TSNAXIP1: variants seen among roughly 807,000 people sequenced by gnomAD.
The protein encoded by TSNAXIP1 is translin-associated factor X-interacting protein 1.
TSNAXIP1 carries 89 observed loss-of-function variants against 84.8 expected under a neutral mutation model. The observed-to-expected ratio is 1.05, with a 90% CI of 0.88 to 1.25. TSNAXIP1 has a LOEUF of 1.25. Ranked by LOEUF, TSNAXIP1 falls within the 50% of genes most tolerant of loss-of-function variation. TSNAXIP1 has a pLI of 0.00. For synonymous variants in TSNAXIP1, 347 were observed against 335.2 expected, an observed-to-expected ratio of 1.04 and a Z score of -0.39; for missense variants, 874 against 887.6, an observed-to-expected ratio of 0.98 and a Z score of 0.20.
intron 2 of TSNAXIP1, among the ~76,000 whole-genome samples, chr16:67,820,438 G>C (rs2056949075): frequency 6.6e-6 from 1 of 151,988 alleles, no homozygotes; most frequent in South Asian, 2.1e-4. Flanking sequence ...ACCATGTTGA[G>C]AGATGTTTGT....
At chr16:67,807,360 T>G (rs1674535023) in intron 1 of TSNAXIP1, 164 bp downstream of exon 1, 5 of 1,533,124 alleles carry the variant, frequency 3.3e-6, no homozygotes, top group African/African-American at 1.4e-5. Flanking sequence ...TTTAGCCCAG[T>G]GAAGACGTTA....
chr16:67,825,521 T>C (rs1437677517), intron 7 of TSNAXIP1, 146 bp from the exon 8 acceptor site: 1 of 1,259,232 alleles, frequency 7.9e-7, no homozygotes, highest in Non-Finnish European at 1.1e-6. Flanking sequence ...CTCAGTTTCC[T>C]GGGCTTCTAG....
At position 67,826,534 on chromosome 16, in the gene TSNAXIP1, C is replaced by T. The variant is rs1234342323; in HGVS notation, c.1373C>T (p.Ala458Val). 1 of 1,614,138 alleles carries T rather than the reference C, an allele frequency of 6.2e-7. No homozygotes were observed. Among genetic ancestry groups the T allele is most frequent in the Non-Finnish European group, 8.5e-7 (1 of 1,180,016 alleles). ...KKDVVNLLKD[A>V]WKERLAEEQK... ...GACGTGGTCAACCTCCTCAAGGATG[C>T]CTGGAAGGAACGTCTTGCTGAGGAG... The change falls in exon 11 of 16, where the codon GCC becomes GTC. Residue 458 changes from alanine (A) to valine (V), a missense_variant. Ala to Val is a moderately conservative substitution (Grantham distance 64). Transcript: ENST00000561639.
intron 2 of TSNAXIP1, among the ~76,000 whole-genome samples, chr16:67,815,993 C>T (rs1340198825): frequency 8.4e-5 from 10 of 118,928 alleles, no homozygotes; most frequent in African/African-American, 4.0e-4. Context: ...TTTTTTGAGA[C>T]GGAATCTCGC....
chr16:67,815,410 G>A (rs111535725), intron 2 of TSNAXIP1, among the ~76,000 whole-genome samples: 41 of 139,942 alleles, frequency 2.9e-4, no homozygotes, highest in Non-Finnish European at 4.3e-4. Flanking sequence ...GTTATGGCTC[G>A]CTGCAGTCTC....
At position 67,826,216 on chromosome 16, in the gene TSNAXIP1, G is replaced by A. The variant is rs766567160; in HGVS notation, c.1209G>A (p.Leu403=). 4 of 1,606,420 alleles carry A rather than the reference G, an allele frequency of 2.5e-6. No homozygotes were observed. The highest frequency in any genetic ancestry group is 1.7e-5 in the Admixed American group (1 of 59,604). The change falls in exon 10 of 16, where the codon CTG becomes CTA. Residue 403 remains leucine (L), a synonymous_variant. Coordinates refer to ENST00000561639, the MANE Select transcript of TSNAXIP1 (RefSeq NM_001288990.3). ...CTGAGGGCAAGAACAGCGACCAGCT[G>A]GTGGACGTGCTCCTGGAAGAGATTG... ...MLAEGKNSDQ[L]VDVLLEEIGS... is the part of the protein sequence containing the mutation.
rs1380669069 is a variant in TSNAXIP1, at chr16:67,825,698, C to G, written c.846C>G (p.Thr282=). 1 of 1,613,946 alleles carries G rather than the reference C, an allele frequency of 6.2e-7. No individual in the cohort carries two copies. The highest frequency in any genetic ancestry group is 1.7e-5 in the Admixed American group (1 of 59,992). Residue 282 remains threonine, a synonymous_variant, in exon 8 of 16, where the codon ACC becomes ACG. Coordinates refer to ENST00000561639, the MANE Select transcript of TSNAXIP1 (RefSeq NM_001288990.3). ...GIWGEDPVKL[T]LALKMTRQDL... ...GGGGGGAGGACCCTGTGAAGTTAAC[C>G]CTGGCTCTTAAGATGACCCGGCAAG...
intron 12 of TSNAXIP1, 31 bp downstream of exon 12, chr16:67,826,875 C>T: frequency 1.2e-6 from 2 of 1,611,718 alleles, no homozygotes; most frequent in Non-Finnish European, 1.7e-6. Flanking sequence ...CTTGGGGAGA[C>T]TGAGAGGGGT....
In TSNAXIP1 at chr16:67,807,037, G is replaced by T. The variant is rs1160071452; in HGVS notation, c.-113G>T. ...AGGCTCGGGGGCGTGGCGCATCCCT[G>T]ACTCCGCCCCCGCCGCGGGGGGGCC... is the stretch of plus-strand genomic sequence containing the variant. On this transcript the variant is annotated 5_prime_UTR_variant, in exon 1 of 16. Transcript: ENST00000561639. The T allele has an allele frequency of 6.8e-7, 1 of 1,469,232 alleles. No homozygotes were observed. Among genetic ancestry groups the T allele is most frequent in the African/African-American group, 1.4e-5 (1 of 70,290 alleles). The allele number at this position is 1,469,232 out of a possible 1,614,324, so 91.0% of individuals were successfully genotyped here. A position where few individuals can be genotyped will look rare whatever the true frequency, so the allele number is the denominator to read the frequency against.
At position 67,826,757 on chromosome 16, in the gene TSNAXIP1, G is replaced by T. The variant is rs767116882; in HGVS notation, c.1467G>T (p.Met489Ile). 5.5e-5 allele frequency: 89 copies of T among 1,614,036 alleles called. No homozygotes were observed. Among genetic ancestry groups the T allele is most frequent in the Non-Finnish European group, 7.5e-5 (89 of 1,180,036 alleles). Residue 489 changes from methionine (M) to isoleucine (I), a missense_variant, in exon 12 of 16, where the codon ATG becomes ATT. Met to Ile is a conservative substitution (Grantham distance 10, BLOSUM62 1). Transcript: ENST00000561639. ...LEHRFGPSDAMAWAYTIFENI... is the reference protein window; with the variant it reads ...LEHRFGPSDAIAWAYTIFENI... ...ATCGCTTTGGGCCCAGTGATGCCAT[G>T]GCCTGGGCTTATACTATTTTTGAAA...
In TSNAXIP1 at chr16:67,827,780, G is replaced by T. The variant is rs955391664; in HGVS notation, c.1926G>T (p.Leu642=). Residue 642 remains leucine (L), a synonymous_variant, in exon 16 of 16, where the codon CTG becomes CTT. Coordinates refer to ENST00000561639, the MANE Select transcript of TSNAXIP1 (RefSeq NM_001288990.3). ...ELHEEVTLPK[L]RGGLMTIDPS... Reference sequence around the variant, plus strand: ...ATGAGGAAGTGACTCTGCCCAAGCTGCGAGGGGGCCTGATGACCATCGACC... The same window carrying T: ...ATGAGGAAGTGACTCTGCCCAAGCTTCGAGGGGGCCTGATGACCATCGACC... 1 of 1,613,994 alleles carries T rather than the reference G, an allele frequency of 6.2e-7. No individual in the cohort carries two copies. The highest frequency in any genetic ancestry group is 8.5e-7 in the Non-Finnish European group (1 of 1,180,046).
chr16:67,827,955 A>C lies in TSNAXIP1; in HGVS notation c.2101A>C (p.Arg701=). 1 of 1,613,680 alleles carries C rather than the reference A, an allele frequency of 6.2e-7. No individual in the cohort carries two copies. Among genetic ancestry groups the C allele is most frequent in the Non-Finnish European group, 8.5e-7 (1 of 1,180,010 alleles). Residue 701 remains arginine, a synonymous_variant, in exon 16 of 16, where the codon AGG becomes CGG. Transcript: ENST00000561639. ...ALERLQVIDI[R]RVGPREPEPA... is the part of the protein sequence containing the mutation. ...GGAGCGGCTTCAGGTGATTGACATCAGGCGTGTGGGACCTCGAGAGCCAGA... is the reference window on the plus strand; with the variant it reads ...GGAGCGGCTTCAGGTGATTGACATCCGGCGTGTGGGACCTCGAGAGCCAGA...
chr16:67,813,593 C>T (rs1244063411), intron 1 of TSNAXIP1, among the ~76,000 whole-genome samples: 1 of 151,332 alleles, frequency 6.6e-6, no homozygotes, highest in African/African-American at 2.4e-5. Context: ...ATTATCCATG[C>T]GTGGTGGCAG....
At chr16:67,812,920 A>AT (rs893825956) in intron 1 of TSNAXIP1, among the ~76,000 whole-genome samples, 3 of 151,676 alleles carry the variant, frequency 2.0e-5, no homozygotes, top group Non-Finnish European at 2.9e-5. Flanking sequence ...TGCACATCTA[A>AT]TTTTTTTTGT....
At chr16:67,822,178 C>T (rs1459070984) in intron 4 of TSNAXIP1, among the ~76,000 whole-genome samples, 7 of 149,528 alleles carry the variant, frequency 4.7e-5, no homozygotes, top group African/African-American at 7.4e-5. Context: ...GCTCGGGAGG[C>T]TGAGGCAGGA....
chr16:67,811,113 C>T (rs576932201), intron 1 of TSNAXIP1, among the ~76,000 whole-genome samples: 10 of 152,066 alleles, frequency 6.6e-5, no homozygotes, highest in South Asian at 4.1e-4. Flanking sequence ...CGTGAGCCAC[C>T]GCGCCCGGCC....
chr16:67,808,591 A>G (rs1183777321), intron 1 of TSNAXIP1, among the ~76,000 whole-genome samples: 1 of 151,564 alleles, frequency 6.6e-6, no homozygotes, highest in East Asian at 1.9e-4. Context: ...AAAAAAATTT[A>G]GCCGGGCATG....
intron 7 of TSNAXIP1, 112 bp downstream of exon 7, chr16:67,825,384 C>A: frequency 6.9e-7 from 1 of 1,443,556 alleles, no homozygotes; most frequent in Non-Finnish European, 9.4e-7. Flanking sequence ...CATTCCATAA[C>A]CATTCAGAGG....
intron 14 of TSNAXIP1, 29 bp downstream of exon 14, chr16:67,827,404 T>TGGCCC: frequency 6.2e-7 from 1 of 1,614,106 alleles, no homozygotes; most frequent in African/African-American, 1.3e-5. Flanking sequence ...GGGACTGGCC[T>TGGCCC]GGCCCCTGCC....
Sources: allele counts gnomAD v4.1 joint callset (sites outside exome capture counted in the v4.1 genomes callset), GRCh38; gene constraint gnomAD v4.1.1; transcripts MANE v1.5; gene names NCBI Gene and HGNC (gene_info 2026-07-23, HGNC 2026-07-21).